The following ABLIM1 variants were observed in gnomAD, a reference collection of about 807,000 sequenced individuals.
The protein encoded by ABLIM1 is actin binding LIM protein 1.
In ABLIM1, 40 loss-of-function variants were observed where a neutral mutation model predicts 107.0. That is an observed-to-expected ratio of 0.37 (90% CI 0.29 to 0.49). The LOEUF is 0.49. Ranked by LOEUF, ABLIM1 falls within the 20% of genes least tolerant of loss-of-function variation. ABLIM1 has a pLI of 0.97. For missense variants in ABLIM1, 857 were observed against 1,008.5 expected (o/e 0.85, Z 2.04); for synonymous variants, 357 against 357.3 (o/e 1.00, Z 0.01).
the ABLIM1 span, chr10:114,778,173 G>A: frequency 2.3e-3 from 353 of 153,140 alleles, 1 homozygote; most frequent in South Asian, 7.0e-3. Flanking sequence ...AGACCAGCCT[G>A]GGCAACATGG....
intron 4 of ABLIM1, among the ~76,000 whole-genome samples, chr10:114,561,489 C>A (rs2069692020): frequency 6.6e-6 from 1 of 152,198 alleles, no homozygotes; most frequent in Non-Finnish European, 1.5e-5. Flanking sequence ...GGGAAATACA[C>A]TAAAAATCAT....
chr10:114,704,924 A>G (rs527306001), intron 1 of ABLIM1, among the ~76,000 whole-genome samples: 46 of 152,312 alleles, frequency 3.0e-4, no homozygotes, highest in African/African-American at 1.0e-3. Context: ...AATTCCCTTC[A>G]TGTATACCAG....
intron 1 of ABLIM1, among the ~76,000 whole-genome samples, chr10:114,655,177 G>A (rs1037036589): frequency 1.3e-5 from 2 of 152,194 alleles, no homozygotes; most frequent in Non-Finnish European, 2.9e-5. Context: ...GTGAGTAGAA[G>A]AGCTGGGAGT....
chr10:114,465,899 A>G, intron 11 of ABLIM1, 72 bp from the exon 12 acceptor site: 2 of 1,523,142 alleles, frequency 1.3e-6, no homozygotes, highest in Non-Finnish European at 1.8e-6. Context: ...AAACACTGCC[A>G]AGGAACCATC....
At chr10:114,563,431 T>G (rs774974582) in intron 4 of ABLIM1, among the ~76,000 whole-genome samples, 4 of 152,142 alleles carry the variant, frequency 2.6e-5, no homozygotes, top group Admixed American at 1.3e-4. Flanking sequence ...ATTTTCTTGG[T>G]AGTGGACGTG....
intron 4 of ABLIM1, among the ~76,000 whole-genome samples, chr10:114,558,491 C>T (rs921993357): frequency 1.3e-5 from 2 of 152,166 alleles, no homozygotes; most frequent in Non-Finnish European, 2.9e-5. Flanking sequence ...CCTGCTACTG[C>T]AATCAGGGCT....
chr10:114,533,041 T>C (rs1043019727), intron 6 of ABLIM1, among the ~76,000 whole-genome samples: 1 of 152,214 alleles, frequency 6.6e-6, no homozygotes. Context: ...AAAATATTTT[T>C]AAAAAATTTT....
At chr10:114,715,596 C>T (rs2081643782) in intron 1 of ABLIM1, among the ~76,000 whole-genome samples, 1 of 152,138 alleles carries the variant, frequency 6.6e-6, no homozygotes, top group Admixed American at 6.5e-5. Context: ...GCTGCTCACA[C>T]ACAAAGTCAG....
At chr10:114,612,916 T>G (rs934768409) in intron 1 of ABLIM1, among the ~76,000 whole-genome samples, 1 of 152,214 alleles carries the variant, frequency 6.6e-6, no homozygotes, top group Admixed American at 6.5e-5. Flanking sequence ...TTCTACTCTC[T>G]AATTCCAATT....
chr10:114,482,149 A>G (rs1437714415), intron 8 of ABLIM1, among the ~76,000 whole-genome samples: 4 of 152,234 alleles, frequency 2.6e-5, no homozygotes, highest in Admixed American at 2.0e-4. Flanking sequence ...TGCTTTGTGT[A>G]TAATGAATTA....
At chr10:114,634,854 G>A (rs778729350) in intron 1 of ABLIM1, among the ~76,000 whole-genome samples, 10 of 152,210 alleles carry the variant, frequency 6.6e-5, no homozygotes, top group Non-Finnish European at 1.2e-4. Context: ...ACCAAAGAGT[G>A]TATTACTAAA....
At chr10:114,751,435 C>T (rs2082508785) in intron 1 of ABLIM1, among the ~76,000 whole-genome samples, 3 of 151,782 alleles carry the variant, frequency 2.0e-5, no homozygotes, top group Admixed American at 1.3e-4. Flanking sequence ...GAAAATTGGC[C>T]CTCTGTTAGT....
chr10:114,639,415 C>T (rs972864892), intron 1 of ABLIM1, among the ~76,000 whole-genome samples: 3 of 152,234 alleles, frequency 2.0e-5, no homozygotes, highest in African/African-American at 7.2e-5. Context: ...GTCAAAACCC[C>T]TCACATCCTG....
At chr10:114,528,218 C>T (rs962555512) in intron 6 of ABLIM1, among the ~76,000 whole-genome samples, 3 of 152,198 alleles carry the variant, frequency 2.0e-5, no homozygotes, top group Non-Finnish European at 4.4e-5. Context: ...GATCCTCCTG[C>T]CTCAGCCTCC....
intron 2 of ABLIM1, among the ~76,000 whole-genome samples, chr10:114,582,378 AAC>A (rs2073495617): frequency 6.6e-6 from 1 of 152,192 alleles, no homozygotes; most frequent in Non-Finnish European, 1.5e-5. Flanking sequence ...ACAAACAAAA[AAC>A]ACATTCCATG....
chr10:114,634,129 CTTTTTTTTTTTTTTT>C (rs745875295), intron 1 of ABLIM1, among the ~76,000 whole-genome samples: 1 of 68,298 alleles, frequency 1.5e-5, no homozygotes, highest in East Asian at 5.7e-4. Context: ...CTCAATTTTT[CTTTTTTTTTTTTTTT>C]TTTTTTGAGA....
intron 12 of ABLIM1, chr10:114,463,011 G>C: frequency 7.6e-6 from 10 of 1,310,138 alleles, no homozygotes; most frequent in Non-Finnish European, 1.0e-5. Flanking sequence ...TCTCCACTAT[G>C]CAGGGTGCTG....
intron 6 of ABLIM1, among the ~76,000 whole-genome samples, chr10:114,512,584 G>A (rs2062033284): frequency 7.6e-6 from 1 of 130,926 alleles, no homozygotes; most frequent in Non-Finnish European, 1.9e-5. Context: ...CAGCACTTTA[G>A]GAGGCCGAGG....
At chr10:114,469,913 A>C (rs1160931900) in intron 10 of ABLIM1, among the ~76,000 whole-genome samples, 1 of 152,170 alleles carries the variant, frequency 6.6e-6, no homozygotes, top group Non-Finnish European at 1.5e-5. Flanking sequence ...CCTTTTCCCC[A>C]CATTCTATAG....
Sources: allele counts gnomAD v4.1 joint callset (sites outside exome capture counted in the v4.1 genomes callset), GRCh38; gene constraint gnomAD v4.1.1; transcripts MANE v1.5; gene names NCBI Gene and HGNC (gene_info 2026-07-23, HGNC 2026-07-21).